Variants in ATF7IP observed in about 807,000 individuals in gnomAD.
The protein encoded by ATF7IP is activating transcription factor 7-interacting protein 1.
Under a neutral mutation model 106.4 loss-of-function variants are expected in ATF7IP, and 23 were observed. That is an observed-to-expected ratio of 0.22 (90% CI 0.16 to 0.31). The LOEUF (loss-of-function observed/expected upper bound fraction) is 0.31. ATF7IP is among the 10% of genes least tolerant of loss of function. The pLI is 1.00. For synonymous variants in ATF7IP, 542 were observed against 539.0 expected (o/e 1.01, Z -0.08); for missense variants, 1,334 against 1,524.3 (o/e 0.88, Z 2.08).
intron 4 of ATF7IP, 98 bp from the exon 5 acceptor site, chr12:14,438,032 G>T: frequency 2.5e-6 from 3 of 1,192,190 alleles, no homozygotes; most frequent in South Asian, 3.1e-5. Flanking sequence ...CAGCCTGGGC[G>T]ACAGAGCGAG....
At chr12:14,457,438 G>GT in intron 8 of ATF7IP, 143 bp downstream of exon 8, 2 of 631,686 alleles carry the variant, frequency 3.2e-6, no homozygotes, top group Non-Finnish European at 5.4e-6. Flanking sequence ...AAAAATTCAG[G>GT]ATCAAACTGG....
chr12:14,424,498 A>ATCTCTC lies in ATF7IP; in HGVS notation c.583_584insTCTCTC (p.Thr195delinsIleSerPro). ...TGGTGATGCCACCTCTGGTGATGCCACTGCTGATGATCTCTCCTCTGGTGA... is the reference window on the plus strand; with the variant it reads ...TGGTGATGCCACCTCTGGTGATGCCATCTCTCCTGCTGATGATCTCTCCTCTGGTGA... On this transcript the variant is annotated protein_altering_variant, in exon 2 of 15. Transcript: ENST00000261168. The ATCTCTC allele has an allele frequency of 1.2e-6, 2 of 1,613,836 alleles. No homozygotes were observed. Among genetic ancestry groups the ATCTCTC allele is most frequent in the Non-Finnish European group, 1.7e-6 (2 of 1,179,922 alleles).
intron 8 of ATF7IP, among the ~76,000 whole-genome samples, chr12:14,458,044 C>T (rs1943497335): frequency 1.3e-5 from 2 of 151,330 alleles, no homozygotes; most frequent in South Asian, 4.2e-4. Context: ...TGCGGTGAGC[C>T]GAGATCACGC....
intron 11 of ATF7IP, chr12:14,476,534 G>C (rs530308447): frequency 6.6e-6 from 1 of 151,286 alleles, no homozygotes; most frequent in Non-Finnish European, 1.5e-5. Context: ...TTTTGTATCT[G>C]TTATTTCACT....
intron 5 of ATF7IP, among the ~76,000 whole-genome samples, chr12:14,443,997 C>T (rs891679735): frequency 2.6e-5 from 4 of 151,712 alleles, no homozygotes; most frequent in East Asian, 1.9e-4. Context: ...AGGACAGAAC[C>T]AGAAAACAGG....
chr12:14,460,374 TA>T, intron 8 of ATF7IP, 120 bp from the exon 9 acceptor site: 1 of 991,096 alleles, frequency 1.0e-6, no homozygotes. Flanking sequence ...AATTTCATGA[TA>T]AAAGACTTTA....
In ATF7IP at chr12:14,457,282, TC is replaced by T. The variant is rs1376986671; in HGVS notation, c.2147del (p.Pro716LeufsTer2). On this transcript the variant is annotated frameshift_variant, in exon 8 of 15. Coordinates refer to ENST00000261168, the MANE Select transcript of ATF7IP (RefSeq NM_018179.5). LOFTEE classifies it high-confidence loss of function. Reference sequence around the variant, plus strand: ...AGAGTGCACCACCATCCTTTCAAACTCCTGTGAATACAGGTAACTTTTTTTT... The same window carrying T: ...AGAGTGCACCACCATCCTTTCAAACTCTGTGAATACAGGTAACTTTTTTTT... Reference protein sequence around the residue: ...SESAPPSFQTPVNTVSSTNLV... With the variant: ...SESAPPSFQTXVNTVSSTNLV... 6.2e-7 allele frequency: 1 copy of T among 1,610,000 alleles called. No individual in the cohort carries two copies. Among genetic ancestry groups the T allele is most frequent in the Non-Finnish European group, 8.5e-7 (1 of 1,178,692 alleles).
intron 6 of ATF7IP, among the ~76,000 whole-genome samples, chr12:14,454,498 G>A (rs528412057): frequency 5.3e-5 from 8 of 152,250 alleles, no homozygotes; most frequent in African/African-American, 1.7e-4. Context: ...TTAAACAGTT[G>A]GATTCAAGCT....
chr12:14,482,566 C>G (rs1944466528), intron 13 of ATF7IP: 1 of 152,246 alleles, frequency 6.6e-6, no homozygotes, highest in Admixed American at 6.5e-5. Flanking sequence ...GTGGATCTGC[C>G]TTCTCCAGCC....
Position 14,498,039 on chromosome 12 carries a change from C to A in ATF7IP, c.3779C>A (p.Ser1260Ter). 1 of 1,610,570 alleles carries A rather than the reference C, an allele frequency of 6.2e-7. No homozygotes were observed. The highest frequency in any genetic ancestry group is 1.1e-5 in the South Asian group (1 of 90,966). Residue 1260 changes from serine to a stop codon, truncating the protein, a stop_gained, in exon 15 of 15, where the codon TCA becomes TAA. Transcript: ENST00000261168. LOFTEE classifies it high-confidence loss of function. ...GRFGPFCDPQ[S>*]TDVISSTQSS is the part of the protein sequence containing the mutation. ...TTTGGGCCTTTCTGTGATCCTCAGTCAACAGATGTGATCTCTTCTACCCAG... is the reference window on the plus strand; with the variant it reads ...TTTGGGCCTTTCTGTGATCCTCAGTAAACAGATGTGATCTCTTCTACCCAG...
chr12:14,426,422 T>C (rs1040560673), intron 2 of ATF7IP, among the ~76,000 whole-genome samples: 1 of 150,636 alleles, frequency 6.6e-6, no homozygotes, highest in African/African-American at 2.4e-5. Flanking sequence ...TCTAATTTCT[T>C]CAAAGAAAAA....
chr12:14,488,193 C>T (rs1471018120), intron 13 of ATF7IP, among the ~76,000 whole-genome samples: 1 of 152,046 alleles, frequency 6.6e-6, no homozygotes, highest in Admixed American at 6.6e-5. Flanking sequence ...AAGATGGACA[C>T]ACACACATGC....
rs1427894210 is a variant in ATF7IP, at chr12:14,501,513, G to T, written c.*3440G>T. 6.6e-6 allele frequency: 1 copy of T among 152,174 alleles called. No homozygotes were observed. Among genetic ancestry groups the T allele is most frequent in the Non-Finnish European group, 1.5e-5 (1 of 68,028 alleles). The allele number at this position is 152,174 out of a possible 1,614,324, so 9.4% of individuals were successfully genotyped here. A position where few individuals can be genotyped will look rare whatever the true frequency, so the allele number is the denominator to read the frequency against. On this transcript the variant is annotated 3_prime_UTR_variant, in exon 15 of 15. Coordinates refer to ENST00000261168, the MANE Select transcript of ATF7IP (RefSeq NM_018179.5). The stretch of plus-strand genomic sequence containing the variant: ...CATACGAAGACGTCTGTTGCTAACA[G>T]TTAACTTTATGAGGTAACTATATCC...
At chr12:14,480,289 A>G (rs11055991) in intron 12 of ATF7IP, among the ~76,000 whole-genome samples, 47,641 of 152,070 alleles carry the variant, frequency 0.31, 9,066 homozygotes, top group Admixed American at 0.46. Flanking sequence ...GTCACTAAAA[A>G]TCATTATTAT....
chr12:14,478,071 A>G (rs1222226492), intron 11 of ATF7IP, among the ~76,000 whole-genome samples: 1 of 152,188 alleles, frequency 6.6e-6, no homozygotes, highest in Non-Finnish European at 1.5e-5. Flanking sequence ...TACAAGTAAG[A>G]TTATTTCTGA....
chr12:14,433,940 G>A (rs963040938), intron 2 of ATF7IP, among the ~76,000 whole-genome samples: 2 of 152,074 alleles, frequency 1.3e-5, no homozygotes, highest in East Asian at 3.8e-4. Flanking sequence ...GAATTTTCCA[G>A]TAGTTTGGAA....
intron 13 of ATF7IP, among the ~76,000 whole-genome samples, chr12:14,483,932 G>A (rs556122248): frequency 6.6e-6 from 1 of 152,092 alleles, no homozygotes; most frequent in Non-Finnish European, 1.5e-5. Context: ...ATGCCATGAC[G>A]GTGGATAAGG....
At chr12:14,407,807 T>A (rs1201346897) in intron 1 of ATF7IP, among the ~76,000 whole-genome samples, 1 of 152,154 alleles carries the variant, frequency 6.6e-6, no homozygotes, top group African/African-American at 2.4e-5. Flanking sequence ...GAATGCCTAC[T>A]GTGTATAAGA....
chr12:14,446,936 G>T (rs1219168361), intron 5 of ATF7IP, 52 bp from the exon 6 acceptor site: 38 of 1,221,136 alleles, frequency 3.1e-5, no homozygotes, highest in African/African-American at 1.1e-4. Context: ...TTTTTTTAAT[G>T]CTGTAATACT....
Sources: gnomAD v4.1 joint callset for allele counts (sites outside exome capture counted in the v4.1 genomes callset) on GRCh38, gnomAD v4.1.1 for gene constraint, MANE v1.5 for transcripts, NCBI Gene and HGNC (gene_info 2026-07-23, HGNC 2026-07-21) for gene names.